The following PTPRN2 variants were observed in gnomAD, a reference collection of about 807,000 sequenced individuals.
PTPRN2 encodes the protein receptor-type tyrosine-protein phosphatase N2.
PTPRN2 carries 74 observed loss-of-function variants against 118.8 expected under a neutral mutation model. The ratio of observed to expected loss-of-function variants is 0.62; its 90% CI spans 0.52 to 0.76. The LOEUF is 0.76. PTPRN2 is among the 30% of genes least tolerant of loss of function. The pLI is 0.00. For missense variants in PTPRN2, 1,481 were observed against 1,394.4 expected, an observed-to-expected ratio of 1.06 and a Z score of -0.99; for synonymous variants, 641 against 608.0, an observed-to-expected ratio of 1.05 and a Z score of -0.80.
In PTPRN2 at chr7:158,320,018, CAT is replaced by C. The variant is rs371917649; in HGVS notation, c.164-3088_164-3087del. 4.1e-4 allele frequency among the ~76,000 whole-genome samples: 16 copies of C among 38,696 alleles called. 4 individuals carry two copies. The highest frequency in any genetic ancestry group is 1.4e-3 in the African/African-American group (15 of 10,548). 25.4% of individuals were successfully genotyped at this position (38,696 alleles called of 152,430 possible). ...TCACACACACTCACACAGCCTCCCT[CAT>C]ACACACACACAGCCTCCCTCACACA... On this transcript the variant is annotated intron_variant, in intron 2 of 22. Coordinates refer to ENST00000389418, the MANE Select transcript of PTPRN2 (RefSeq NM_002847.5).
chr7:157,642,078 C>T (rs1804702178), intron 14 of PTPRN2, among the ~76,000 whole-genome samples: 1 of 152,222 alleles, frequency 6.6e-6, no homozygotes, highest in Admixed American at 6.5e-5. Flanking sequence ...TCTGTAGCCC[C>T]CCTGCCACGC....
At chr7:157,976,929 A>C (rs6957098) in intron 11 of PTPRN2, among the ~76,000 whole-genome samples, 2,708 of 152,008 alleles carry the variant, frequency 0.018, 104 homozygotes, top group African/African-American at 0.061. Context: ...AGTGGAAGAG[A>C]AGTTGAATCA....
intron 12 of PTPRN2, among the ~76,000 whole-genome samples, chr7:157,888,470 G>T (rs1309908330): frequency 6.6e-6 from 1 of 152,140 alleles, no homozygotes; most frequent in Admixed American, 6.5e-5. Context: ...CCTGGGAGCT[G>T]CTCCTCCAAG....
At chr7:158,327,387 A>ACACACATGCT (rs565221023) in intron 2 of PTPRN2, among the ~76,000 whole-genome samples, 44 of 150,740 alleles carry the variant, frequency 2.9e-4, no homozygotes, top group African/African-American at 9.5e-4. Flanking sequence ...TATCACATGC[A>ACACACATGCT]CACACATGCT....
chr7:158,516,890 A>G (rs536421927), intron 1 of PTPRN2, among the ~76,000 whole-genome samples: 68 of 151,340 alleles, frequency 4.5e-4, no homozygotes, highest in African/African-American at 1.6e-3. Context: ...GCTTCTGCCT[A>G]TTGTTCCTGG....
chr7:158,151,104 T>TCTA (rs1563520783), intron 6 of PTPRN2, among the ~76,000 whole-genome samples: 5 of 11,162 alleles, frequency 4.5e-4, no homozygotes, highest in Non-Finnish European at 8.1e-4. Flanking sequence ...CCGCCCGCCT[T>TCTA]TCTGCTCCTA....
intron 12 of PTPRN2, among the ~76,000 whole-genome samples, chr7:157,883,787 A>T (rs975807328): frequency 4.0e-5 from 6 of 150,512 alleles, no homozygotes; most frequent in African/African-American, 1.2e-4. Context: ...CCACCCAAAA[A>T]ATGACTGTCA....
intron 11 of PTPRN2, among the ~76,000 whole-genome samples, chr7:157,899,470 T>G (rs1177648116): frequency 2.6e-5 from 4 of 152,224 alleles, no homozygotes; most frequent in Admixed American, 2.6e-4. Flanking sequence ...GGCTTACGAC[T>G]CTGTGGAAAT....
At chr7:158,429,895 GTTCTTT>G (rs988023742) in intron 2 of PTPRN2, among the ~76,000 whole-genome samples, 17 of 152,104 alleles carry the variant, frequency 1.1e-4, no homozygotes, top group Admixed American at 8.5e-4. Flanking sequence ...GACATAAACT[GTTCTTT>G]TTCTTTTCTT....
intron 1 of PTPRN2, among the ~76,000 whole-genome samples, chr7:158,578,529 T>C (rs569811359): frequency 4.9e-5 from 2 of 40,930 alleles, no homozygotes; most frequent in East Asian, 3.7e-3. Flanking sequence ...AGCCAGACCC[T>C]GTCTCTGTAA....
At position 157,881,307 on chromosome 7, in the gene PTPRN2, G is replaced by GGTATGTGGAGATGGGGGTGTTTACA. The variant is rs1796116111; in HGVS notation, c.1788+17365_1788+17366insTGTAAACACCCCCATCTCCACATAC. Among the ~76,000 whole-genome samples, 1 of 151,430 alleles carries GGTATGTGGAGATGGGGGTGTTTACA rather than the reference G, an allele frequency of 6.6e-6. No homozygotes were observed. Among genetic ancestry groups the GGTATGTGGAGATGGGGGTGTTTACA allele is most frequent in the Non-Finnish European group, 1.5e-5 (1 of 67,938 alleles). ...CATTACAGTAAAATGTGGTCATCAG[G>GGTATGTGGAGATGGGGGTGTTTACA]GTGAGCCTGATCCCATGTGACTGGC... On this transcript the variant is annotated intron_variant, in intron 12 of 22. Coordinates refer to ENST00000389418, the MANE Select transcript of PTPRN2 (RefSeq NM_002847.5). This position sits in a 1 kb window ranked among gnomAD's most constrained non-coding sequence, Gnocchi z 4.7.
chr7:158,371,270 GA>G (rs1809969741), intron 2 of PTPRN2, among the ~76,000 whole-genome samples: 1 of 149,756 alleles, frequency 6.7e-6, no homozygotes, highest in African/African-American at 2.5e-5. Flanking sequence ...AAAAAGGAAG[GA>G]AAAAATTAGG....
At chr7:158,151,926 C>T (rs1821218439) in intron 6 of PTPRN2, among the ~76,000 whole-genome samples, 1 of 152,120 alleles carries the variant, frequency 6.6e-6, no homozygotes. Context: ...GTAATCCCAG[C>T]ACTTTGGGAG....
intron 11 of PTPRN2, among the ~76,000 whole-genome samples, chr7:158,002,479 C>T (rs754539610): frequency 3.3e-5 from 5 of 152,110 alleles, no homozygotes; most frequent in South Asian, 2.1e-4. Context: ...CAGTGGACGG[C>T]GCCTCGTGAG....
At chr7:158,057,374 C>G (rs1409623962) in intron 11 of PTPRN2, among the ~76,000 whole-genome samples, 1 of 152,206 alleles carries the variant, frequency 6.6e-6, no homozygotes, top group Non-Finnish European at 1.5e-5. Flanking sequence ...TTGAGATGAA[C>G]TTCCACGTTA....
chr7:158,071,329 C>T (rs1332359539), intron 11 of PTPRN2, among the ~76,000 whole-genome samples: 89 of 54,346 alleles, frequency 1.6e-3, no homozygotes, highest in Admixed American at 2.9e-3. Context: ...GTGGAGGTGC[C>T]CATGGTGGTG....
At chr7:157,819,323 A>C (rs994248283) in intron 12 of PTPRN2, among the ~76,000 whole-genome samples, 1 of 152,134 alleles carries the variant, frequency 6.6e-6, no homozygotes, top group Non-Finnish European at 1.5e-5. Flanking sequence ...TTGGGTTAAT[A>C]AGTGAGATTT....
intron 12 of PTPRN2, among the ~76,000 whole-genome samples, chr7:157,689,469 C>T (rs1392447244): frequency 6.6e-6 from 1 of 152,338 alleles, no homozygotes; most frequent in African/African-American, 2.4e-5. Flanking sequence ...AGCCGTCCAG[C>T]CCGCAGCGCC....
chr7:157,723,619 T>C lies in PTPRN2; in HGVS notation c.1789-40682A>G, dbSNP rs1799367652. 2.6e-5 allele frequency among the ~76,000 whole-genome samples: 4 copies of C among 152,232 alleles called. No homozygotes were observed. The South Asian group carries it at 6.2e-4, about 24-fold the overall frequency. Reference sequence around the variant, plus strand: ...TGTCCATCCTTGTCCCCGGAGACGCTGTCATCCCACCCAAGTGACCTGCCA... The same window carrying C: ...TGTCCATCCTTGTCCCCGGAGACGCCGTCATCCCACCCAAGTGACCTGCCA... On this transcript the variant is annotated intron_variant, in intron 12 of 22. Transcript: ENST00000389418.
Sources: allele counts gnomAD v4.1 joint callset (sites outside exome capture counted in the v4.1 genomes callset), GRCh38; gene constraint gnomAD v4.1.1; non-coding constraint Gnocchi (gnomAD v3.1); transcripts MANE v1.5; gene names NCBI Gene and HGNC (gene_info 2026-07-23, HGNC 2026-07-21).